WDR49: variants seen among roughly 807,000 people sequenced by gnomAD.
WDR49 encodes WD repeat domain 49.
In WDR49, 107 loss-of-function variants were observed where a neutral mutation model predicts 119.5. The observed-to-expected ratio is 0.90, with a 90% CI of 0.77 to 1.05. WDR49 has a LOEUF of 1.05. Ranked by LOEUF, WDR49 falls within the 50% of genes least tolerant of loss-of-function variation. The pLI is 0.00. For synonymous variants in WDR49, 425 were observed against 418.8 expected (o/e 1.01, Z -0.18); for missense variants, 1,240 against 1,220.5 (o/e 1.02, Z -0.24).
At chr3:167,632,155 T>C (rs989184918) in intron 2 of WDR49, among the ~76,000 whole-genome samples, 1 of 152,078 alleles carries the variant, frequency 6.6e-6, no homozygotes, top group Admixed American at 6.6e-5. Context: ...TCTTAGATTG[T>C]CTCGTCAATA....
At position 167,527,856 on chromosome 3, in the gene WDR49, A is replaced by G. The variant is rs967456933; in HGVS notation, c.2568T>C (p.Thr856=). 1.9e-6 allele frequency: 3 copies of G among 1,613,076 alleles called. No individual in the cohort carries two copies. The highest frequency in any genetic ancestry group is 2.2e-5 in the East Asian group (1 of 44,816). The part of the protein sequence containing the change: ...SSSADCSICV[T]GVCNAPVWIF... ...TCCAAACAGGAGCATTGCAGACACC[A>G]GTCACACAAATACTGCAGTCTGCAG... Residue 856 remains threonine, a synonymous_variant, in exon 15 of 19, where the codon ACT becomes ACC. Transcript: ENST00000682715.
intron 8 of WDR49, among the ~76,000 whole-genome samples, chr3:167,566,106 G>C (rs79528139): frequency 0.024 from 3,679 of 152,278 alleles, 104 homozygotes; most frequent in Admixed American, 0.065. Context: ...AGTTGAGACT[G>C]TGATGATGAA....
rs142275015 is a variant in WDR49 at position 167,631,086 on chromosome 3, G to A, written c.166-3794C>T. 3.1e-3 allele frequency among the ~76,000 whole-genome samples: 472 copies of A among 151,880 alleles called. 3 individuals are homozygous for A. Among genetic ancestry groups the A allele is most frequent in the African/African-American group, 0.011 (453 of 41,424 alleles). Reference sequence around the variant, plus strand: ...AACAATGAGATCACTTGGACACAGGGTGGGGAACATCACACACCGGGGCCT... The same window carrying A: ...AACAATGAGATCACTTGGACACAGGATGGGGAACATCACACACCGGGGCCT... On this transcript the variant is annotated intron_variant, in intron 2 of 18. Transcript: ENST00000682715.
chr3:167,549,232 G>T (rs1712397668), intron 10 of WDR49, among the ~76,000 whole-genome samples: 1 of 152,092 alleles, frequency 6.6e-6, no homozygotes, highest in Non-Finnish European at 1.5e-5. Context: ...TGGGTCAAAT[G>T]GTATTTCTAG....
At chr3:167,514,715 A>G (rs954958963) in intron 16 of WDR49, among the ~76,000 whole-genome samples, 1 of 152,002 alleles carries the variant, frequency 6.6e-6, no homozygotes, top group Non-Finnish European at 1.5e-5. Context: ...TTTGAAAAAA[A>G]TTAAGAAAAT....
At chr3:167,545,509 T>TATATATATATATATATATATATATTA (rs535132359) in intron 10 of WDR49, among the ~76,000 whole-genome samples, 11 of 108,294 alleles carry the variant, frequency 1.0e-4, no homozygotes, top group African/African-American at 3.6e-4. Context: ...ATATTATATA[T>TATATATATATATATATATATATATTA]TATATATATA....
At chr3:167,571,186 G>C (rs1713917502) in intron 8 of WDR49, among the ~76,000 whole-genome samples, 1 of 152,072 alleles carries the variant, frequency 6.6e-6, no homozygotes, top group Admixed American at 6.6e-5. Flanking sequence ...TCAAGAAACA[G>C]CATCACTCCA....
At chr3:167,518,988 A>G (rs920919573) in intron 16 of WDR49, among the ~76,000 whole-genome samples, 3 of 152,048 alleles carry the variant, frequency 2.0e-5, no homozygotes, top group African/African-American at 7.2e-5. Flanking sequence ...ACTTCTCAAA[A>G]GAAGACATTT....
rs372837894 is a variant in WDR49, at chr3:167,550,778, TG to T, written c.1823+3871del. 7.6e-4 allele frequency among the ~76,000 whole-genome samples: 110 copies of T among 144,034 alleles called. 1 individual carries two copies. The highest frequency in any genetic ancestry group is 1.5e-3 in the African/African-American group (57 of 39,118). 94.5% of individuals were successfully genotyped at this position (144,034 alleles called of 152,430 possible). A position where few individuals can be genotyped will look rare whatever the true frequency, so the allele number is the denominator to read the frequency against. Reference sequence around the variant, plus strand: ...GAACTAGGAGGTTTTTTTTTTTTTTTGAGAGAGAGAGAGAGAGAGAGCTTTA... The same window carrying T: ...GAACTAGGAGGTTTTTTTTTTTTTTTAGAGAGAGAGAGAGAGAGAGCTTTA... On this transcript the variant is annotated intron_variant, in intron 10 of 18. Coordinates refer to ENST00000682715, the MANE Select transcript of WDR49 (RefSeq NM_001366157.1).
At chr3:167,653,561 C>T in intron 1 of WDR49, 62 bp from the exon 2 acceptor site, 1 of 1,091,414 alleles carries the variant, frequency 9.2e-7, no homozygotes, top group Non-Finnish European at 1.2e-6. Flanking sequence ...CCTTTCAAGG[C>T]ATACGATCAG....
At chr3:167,528,471 A>G (rs1251403696) in intron 14 of WDR49, among the ~76,000 whole-genome samples, 3 of 151,906 alleles carry the variant, frequency 2.0e-5, no homozygotes, top group Admixed American at 2.0e-4. Context: ...CATTGCAGAT[A>G]AGGTGTAGCC....
intron 5 of WDR49, among the ~76,000 whole-genome samples, chr3:167,612,582 A>G (rs1183152098): frequency 6.6e-6 from 1 of 152,134 alleles, no homozygotes; most frequent in Non-Finnish European, 1.5e-5. Flanking sequence ...CAGATTAAGA[A>G]AAAAAGAGAG....
chr3:167,588,398 G>C (rs1347500796), intron 7 of WDR49, among the ~76,000 whole-genome samples: 2 of 152,098 alleles, frequency 1.3e-5, no homozygotes, highest in African/African-American at 4.8e-5. Flanking sequence ...ATTGTTAACA[G>C]TGCTGCAACA....
At chr3:167,568,188 T>C (rs995469659) in intron 8 of WDR49, among the ~76,000 whole-genome samples, 5 of 152,244 alleles carry the variant, frequency 3.3e-5, no homozygotes, top group African/African-American at 1.2e-4. Context: ...AATTATTTCC[T>C]TAATTGTGTC....
At chr3:167,521,092 T>C (rs112779167) in intron 16 of WDR49, among the ~76,000 whole-genome samples, 7 of 152,066 alleles carry the variant, frequency 4.6e-5, no homozygotes, top group African/African-American at 1.7e-4. Context: ...CAGGGAGCAG[T>C]GGGGAAACAG....
At position 167,527,884 on chromosome 3, in the gene WDR49, G is replaced by A; in HGVS notation, c.2540C>T (p.Ser847Phe). ...CACACAAATACTGCAGTCTGCAGAG[G>A]AGGAGATAATCAGTAACTGACCACC... ...EPGGQLLIIS[S>F]SADCSICVTG... Residue 847 changes from serine (S) to phenylalanine (F), a missense_variant, in exon 15 of 19, where the codon TCC becomes TTC. Transcript: ENST00000682715. 1.2e-6 allele frequency: 2 copies of A among 1,613,236 alleles called. No homozygotes were observed. Among genetic ancestry groups the A allele is most frequent in the Non-Finnish European group, 1.7e-6 (2 of 1,179,518 alleles).
intron 10 of WDR49, among the ~76,000 whole-genome samples, chr3:167,545,583 C>T (rs1365628869): frequency 6.8e-6 from 1 of 146,444 alleles, no homozygotes; most frequent in African/African-American, 2.5e-5. Context: ...GAGTTAGAGA[C>T]CATTATTCTA....
chr3:167,540,438 T>C (rs1006868045), intron 10 of WDR49, among the ~76,000 whole-genome samples: 1 of 151,838 alleles, frequency 6.6e-6, no homozygotes, highest in African/African-American at 2.4e-5. Context: ...AGAAGAGCAG[T>C]AACAATCACT....
chr3:167,622,670 A>T (rs1716928608), intron 3 of WDR49, among the ~76,000 whole-genome samples: 1 of 152,068 alleles, frequency 6.6e-6, no homozygotes, highest in African/African-American at 2.4e-5. Flanking sequence ...AACTGAGCTG[A>T]AGATCGGTAA....
Sources: allele counts gnomAD v4.1 joint callset (sites outside exome capture counted in the v4.1 genomes callset), GRCh38; gene constraint gnomAD v4.1.1; transcripts MANE v1.5; gene names NCBI Gene and HGNC (gene_info 2026-07-23, HGNC 2026-07-21).